The following EXOC2 variants were observed in gnomAD, a reference collection of about 807,000 sequenced individuals.
EXOC2 encodes the protein exocyst complex component 2, also known as SEC5-like 1.
In EXOC2, 70 loss-of-function variants were observed where a neutral mutation model predicts 131.8. The ratio of observed to expected loss-of-function variants is 0.53; its 90% confidence interval spans 0.44 to 0.65. EXOC2 has a LOEUF of 0.65. Among genes scored for constraint, EXOC2 ranks in the 30% least tolerant of loss-of-function variants. The probability of loss-of-function intolerance (pLI) is 0.00; values close to 1 mark genes in which losing one functional copy is unlikely to be tolerated. For missense variants in EXOC2, 923 were observed against 1,108.6 expected (o/e 0.83, Z 2.38); for synonymous variants, 411 against 398.4 (o/e 1.03, Z -0.38).
At chr6:499,498 G>A (rs1387448637) in intron 24 of EXOC2, 147 bp downstream of exon 24, 13 of 606,562 alleles carry the variant, frequency 2.1e-5, no homozygotes, top group East Asian at 2.9e-5. Context: ...CAGACAGTGC[G>A]AGCAAGAGCT....
chr6:639,867 T>C, intron 1 of EXOC2, among the ~76,000 whole-genome samples: 1 of 152,194 alleles, frequency 6.6e-6, no homozygotes, highest in Admixed American at 6.5e-5. Flanking sequence ...GTGCATGGAC[T>C]CGCAGGAGCA....
At chr6:537,205 A>AGTTCCTAATCAGCTTG (rs1766497762) in intron 22 of EXOC2, among the ~76,000 whole-genome samples, 3 of 121,250 alleles carry the variant, frequency 2.5e-5, no homozygotes, top group Admixed American at 1.7e-4. Flanking sequence ...TACACTCGAG[A>AGTTCCTAATCAGCTTG]TGACGACCGA....
rs745696197 is a variant in EXOC2, at chr6:632,997, G to C, written c.239C>G (p.Ser80Ter). 3 of 1,614,114 alleles carry C rather than the reference G, an allele frequency of 1.9e-6. No individual in the cohort carries two copies. Among genetic ancestry groups the C allele is most frequent in the Non-Finnish European group, 2.5e-6 (3 of 1,180,018 alleles). Residue 80 changes from serine to a stop codon, truncating the protein, a stop_gained, in exon 3 of 28, where the codon TCA becomes TGA. Coordinates refer to ENST00000230449, the MANE Select transcript of EXOC2 (RefSeq NM_018303.6). LOFTEE classifies it high-confidence loss of function. ...DKGDIIVTTK[S>*]GGRGTSTVSF... ...GACTGTTGAGGTTCCTCTGCCACCT[G>C]ACTTAGTGGTGACAATAATGTCTCC...
At chr6:626,578 C>A (rs1390021140) in intron 4 of EXOC2, among the ~76,000 whole-genome samples, 1 of 152,076 alleles carries the variant, frequency 6.6e-6, no homozygotes, top group Non-Finnish European at 1.5e-5. Context: ...AGGACCACAG[C>A]ACTCACAAAT....
chr6:622,927 T>C (rs1761365761), intron 4 of EXOC2, among the ~76,000 whole-genome samples: 4 of 152,226 alleles, frequency 2.6e-5, no homozygotes, highest in Admixed American at 2.6e-4. Context: ...CTCAGTTATA[T>C]CATAACATAA....
At chr6:557,714 T>TCA (rs1757495730) in intron 17 of EXOC2, among the ~76,000 whole-genome samples, 1 of 151,224 alleles carries the variant, frequency 6.6e-6, no homozygotes, top group Non-Finnish European at 1.5e-5. Flanking sequence ...CCCCCAAGAC[T>TCA]GTGAGAACAT....
intron 10 of EXOC2, among the ~76,000 whole-genome samples, chr6:594,993 G>C (rs1759735259): frequency 6.6e-6 from 1 of 150,472 alleles, no homozygotes; most frequent in Non-Finnish European, 1.5e-5. Context: ...CACAGGCTCA[G>C]TATTTTAAAA....
At chr6:671,048 C>CAAAAAAA (rs376028047) in intron 1 of EXOC2, among the ~76,000 whole-genome samples, 3 of 84,074 alleles carry the variant, frequency 3.6e-5, no homozygotes, top group Admixed American at 1.4e-4. Flanking sequence ...GACTCCATCT[C>CAAAAAAA]AAAAAAAAAA....
chr6:532,335 A>G, intron 23 of EXOC2, 134 bp downstream of exon 23: 1 of 1,032,134 alleles, frequency 9.7e-7, no homozygotes, highest in Non-Finnish European at 1.3e-6. Context: ...TAAGCAAACA[A>G]AAAGTTAAAA....
chr6:580,621 T>A (rs932418467), intron 11 of EXOC2, among the ~76,000 whole-genome samples: 11 of 152,182 alleles, frequency 7.2e-5, no homozygotes, highest in Admixed American at 2.6e-4. Flanking sequence ...AGTTTGAAAT[T>A]GAGGCAGGGA....
At chr6:692,186 G>C (rs1764960188) in intron 1 of EXOC2, among the ~76,000 whole-genome samples, 1 of 152,206 alleles carries the variant, frequency 6.6e-6, no homozygotes, top group South Asian at 2.1e-4. Flanking sequence ...TTCCTTGTAA[G>C]TTTACTCACA....
At chr6:669,315 G>C (rs994757913) in intron 1 of EXOC2, 1 of 152,358 alleles carries the variant, frequency 6.6e-6, no homozygotes. Flanking sequence ...GGGAATGGCT[G>C]AGGTTATACA....
intron 1 of EXOC2, among the ~76,000 whole-genome samples, chr6:681,336 T>C (rs1357512648): frequency 6.6e-6 from 1 of 152,228 alleles, no homozygotes; most frequent in Non-Finnish European, 1.5e-5. Flanking sequence ...AGTTCAAATC[T>C]GACCTTTAAC....
chr6:576,964 T>C (rs970889819), intron 11 of EXOC2, 82 bp from the exon 12 acceptor site: 34 of 1,328,580 alleles, frequency 2.6e-5, no homozygotes, highest in Middle Eastern at 4.8e-4. Flanking sequence ...TCTGCTTCTC[T>C]GAGGCTATTT....
Position 686,926 on chromosome 6 carries a change from A to T in EXOC2, c.-44+6093T>A, listed in dbSNP as rs147972846. Among the ~76,000 whole-genome samples, 767 of 152,324 alleles carry T rather than the reference A, an allele frequency of 5.0e-3. 11 individuals are homozygous for T. The highest frequency in any genetic ancestry group is 0.037 in the Admixed American group (563 of 15,296). The stretch of plus-strand genomic sequence containing the variant: ...AATGAAGACAAAAACTTCAAAGAAG[A>T]TACACTACTTAATAGGAAAACAAAA... On this transcript the variant is annotated intron_variant, in intron 1 of 27. Coordinates refer to ENST00000230449, the MANE Select transcript of EXOC2 (RefSeq NM_018303.6).
chr6:488,585 TA>T (rs758233245), intron 27 of EXOC2, among the ~76,000 whole-genome samples: 100 of 150,996 alleles, frequency 6.6e-4, no homozygotes, highest in East Asian at 2.1e-3. Flanking sequence ...ACTCAAAAAT[TA>T]AAAAAAAAAT....
chr6:526,158 T>C (rs941518505), intron 23 of EXOC2, among the ~76,000 whole-genome samples: 1 of 152,140 alleles, frequency 6.6e-6, no homozygotes, highest in African/African-American at 2.4e-5. Context: ...CACACACACG[T>C]ATGTGTATAG....
At chr6:513,470 G>A (rs1764969449) in intron 23 of EXOC2, among the ~76,000 whole-genome samples, 1 of 152,206 alleles carries the variant, frequency 6.6e-6, no homozygotes, top group African/African-American at 2.4e-5. Flanking sequence ...CGACCGTAGA[G>A]TACAAGAATA....
At position 503,839 on chromosome 6, in the gene EXOC2, C is replaced by A. The variant is rs142704932; in HGVS notation, c.2381-4139G>T. 3.9e-3 allele frequency among the ~76,000 whole-genome samples: 591 copies of A among 152,282 alleles called. 7 individuals carry two copies. The highest frequency in any genetic ancestry group is 0.013 in the African/African-American group (524 of 41,550). On this transcript the variant is annotated intron_variant, in intron 23 of 27. Transcript: ENST00000230449. ...AGCTGGGTACTGGCCTAGGGAGAGA[C>A]CAGCCGAGTAGCACGCCCGCACCCT...
Sources: gnomAD v4.1 joint callset for allele counts (sites outside exome capture counted in the v4.1 genomes callset) on GRCh38, gnomAD v4.1.1 for gene constraint, MANE v1.5 for transcripts, NCBI Gene and HGNC (gene_info 2026-07-23, HGNC 2026-07-21) for gene names.